PYGB: variants seen among roughly 807,000 people sequenced by gnomAD.
PYGB encodes glycogen phosphorylase B, also known as glycogen phosphorylase, brain form.
PYGB carries 82 observed loss-of-function variants against 94.3 expected under a neutral mutation model. The ratio of observed to expected loss-of-function variants is 0.87; its 90% CI spans 0.73 to 1.04. The LOEUF is 1.04. Among genes scored for constraint, PYGB ranks in the 50% least tolerant of loss-of-function variants. The pLI, the probability that PYGB is intolerant of heterozygous loss-of-function variation, is 0.00. For missense variants in PYGB, 1,132 were observed against 1,158.2 expected (o/e 0.98, Z 0.33); for synonymous variants, 488 against 479.1 (o/e 1.02, Z -0.24).
At chr20:25,281,557 A>G (rs921518129) in intron 11 of PYGB, among the ~76,000 whole-genome samples, 4 of 152,226 alleles carry the variant, frequency 2.6e-5, no homozygotes, top group Non-Finnish European at 4.4e-5. Flanking sequence ...TGTGCTGAGC[A>G]CCTACTGTGA....
intron 3 of PYGB, among the ~76,000 whole-genome samples, chr20:25,270,202 T>TTTG (rs369615386): frequency 0.11 from 3,694 of 34,776 alleles, 188 homozygotes; most frequent in African/African-American, 0.34. Flanking sequence ...TTTTGTTTTG[T>TTTG]TTTGTTTTTT....
At position 25,297,934 on chromosome 20, in the gene PYGB, C is replaced by G. The variant is rs1267345318; in HGVS notation, c.*1412C>G. The G allele has an allele frequency of 1.3e-5, 2 of 152,342 alleles. No homozygotes were observed. Among genetic ancestry groups the G allele is most frequent in the African/African-American group, 4.8e-5 (2 of 41,470 alleles). 9.4% of individuals were successfully genotyped at this position (152,342 alleles called of 1,614,324 possible). Reference sequence around the variant, plus strand: ...CTAGTTGGCCACTGGGGCCACCACCCTGACCACCACTGTGCCCCTCATTGT... The same window carrying G: ...CTAGTTGGCCACTGGGGCCACCACCGTGACCACCACTGTGCCCCTCATTGT... On this transcript the variant is annotated 3_prime_UTR_variant, in exon 20 of 20. Transcript: ENST00000216962.
At chr20:25,276,908 A>T in intron 6 of PYGB, 151 bp downstream of exon 6, 1 of 733,224 alleles carries the variant, frequency 1.4e-6, no homozygotes, top group Non-Finnish European at 2.2e-6. Context: ...GTGAAGAGCG[A>T]GGCTGGTGCA....
rs760848162 is a variant in PYGB at position 25,284,141 on chromosome 20, A to G, written c.1658A>G (p.Glu553Gly). The change falls in exon 14 of 20, where the codon GAG becomes GGG. Residue 553 changes from glutamate (E) to glycine (G), a missense_variant. Glu to Gly is a moderately conservative substitution (Grantham distance 98). Transcript: ENST00000216962. ...AAGTTCTCGGCCTTCCTGGAGAAGG[A>G]GTACAAGGTGAAGATCAACCCCTCC... ...KLKFSAFLEKEYKVKINPSSM... is the reference protein window; with the variant it reads ...KLKFSAFLEKGYKVKINPSSM... 1 of 1,613,934 alleles carries G rather than the reference A, an allele frequency of 6.2e-7. No individual in the cohort carries two copies. The highest frequency in any genetic ancestry group is 1.3e-5 in the African/African-American group (1 of 74,900).
intron 18 of PYGB, 65 bp downstream of exon 18, chr20:25,294,357 G>T: frequency 6.7e-7 from 1 of 1,502,204 alleles, no homozygotes. Context: ...CCTCTTCGTG[G>T]GTTGGATATT....
At chr20:25,249,111 T>A (rs2092880173) in intron 1 of PYGB, among the ~76,000 whole-genome samples, 1 of 152,252 alleles carries the variant, frequency 6.6e-6, no homozygotes, top group Non-Finnish European at 1.5e-5. Flanking sequence ...GTTTGAGTAG[T>A]GAAACAAAGT....
Position 25,248,110 on chromosome 20 carries a change from A to C in PYGB, c.-69A>C. 1.4e-6 allele frequency: 2 copies of C among 1,446,578 alleles called. No individual in the cohort carries two copies. The highest frequency in any genetic ancestry group is 1.8e-6 in the Non-Finnish European group (2 of 1,101,598). 89.6% of individuals were successfully genotyped at this position (1,446,578 alleles called of 1,614,324 possible). A position where few individuals can be genotyped will look rare whatever the true frequency, so the allele number is the denominator to read the frequency against. ...AGAGCAGCGGCGCCAGAGCAGCTGC[A>C]CCATCCCGGCGTTCGCGTGTGCCGC... On this transcript the variant is annotated 5_prime_UTR_variant, in exon 1 of 20. Transcript: ENST00000216962.
chr20:25,293,134 G>A (rs2088486832), intron 17 of PYGB, among the ~76,000 whole-genome samples: 1 of 145,402 alleles, frequency 6.9e-6, no homozygotes, highest in Non-Finnish European at 1.5e-5. Flanking sequence ...GGTCGGGGGG[G>A]GTGGGGGAGT....
intron 17 of PYGB, among the ~76,000 whole-genome samples, chr20:25,293,455 G>T (rs2088492568): frequency 6.6e-6 from 1 of 152,188 alleles, no homozygotes; most frequent in South Asian, 2.1e-4. Context: ...TCCAGCACGG[G>T]CCTGATTCCA....
At chr20:25,281,218 G>C (rs896413780) in intron 11 of PYGB, 106 bp downstream of exon 11, 1 of 1,408,090 alleles carries the variant, frequency 7.1e-7, no homozygotes, top group East Asian at 2.3e-5. Flanking sequence ...CATACAACCT[G>C]TGCCACTAGG....
intron 4 of PYGB, among the ~76,000 whole-genome samples, chr20:25,273,500 G>A (rs1183952693): frequency 6.6e-6 from 1 of 152,226 alleles, no homozygotes; most frequent in Non-Finnish European, 1.5e-5. Flanking sequence ...ATTCTGAAGA[G>A]AAGAGACTTG....
In PYGB at chr20:25,275,787, C is replaced by T. The variant is rs144138423; in HGVS notation, c.661-859C>T. On this transcript the variant is annotated intron_variant, in intron 5 of 19. Transcript: ENST00000216962. ...GATGGAAGGGGCTAGAATGCCTTGGCGGGGACTTGTCGCTCACTTGGGTGT... is the reference window on the plus strand; with the variant it reads ...GATGGAAGGGGCTAGAATGCCTTGGTGGGGACTTGTCGCTCACTTGGGTGT... 2.4e-3 allele frequency among the ~76,000 whole-genome samples: 364 copies of T among 152,120 alleles called. 2 individuals carry two copies. The highest frequency in any genetic ancestry group is 8.5e-3 in the African/African-American group (353 of 41,504).
intron 7 of PYGB, 53 bp downstream of exon 7, chr20:25,277,379 G>T: frequency 6.6e-7 from 1 of 1,505,348 alleles, no homozygotes. Flanking sequence ...TTCTGGCATA[G>T]AGAGGTGGGC....
intron 18 of PYGB, chr20:25,295,074 C>T (rs370885611): frequency 6.9e-4 from 1,088 of 1,588,318 alleles, no homozygotes; most frequent in Middle Eastern, 9.9e-4. Context: ...CTCTGCATTT[C>T]GTGAAGTGTG....
chr20:25,285,175 C>T lies in PYGB; in HGVS notation c.1768+924C>T, dbSNP rs1039087040. 4 of 152,186 alleles carry T rather than the reference C, an allele frequency of 2.6e-5. No homozygotes were observed. In the East Asian group the frequency reaches 5.8e-4, roughly 22 times the overall value. 9.4% of individuals were successfully genotyped at this position (152,186 alleles called of 1,614,324 possible). On this transcript the variant is annotated intron_variant, in intron 14 of 19. Transcript: ENST00000216962. ...CCACCCCCGCTGAGGACCCCTCTGC[C>T]GTGTGGGCACCACGGGAGGTGCTTC...
In PYGB at chr20:25,278,399, C is replaced by A; in HGVS notation, c.936C>A (p.Phe312Leu). The change falls in exon 8 of 20, where the codon TTC becomes TTA. Residue 312 changes from phenylalanine (F) to leucine (L), a missense_variant. By Grantham distance (22) the Phe-to-Leu change is conservative. Coordinates refer to ENST00000216962, the MANE Select transcript of PYGB (RefSeq NM_002862.4). Reference protein sequence around the residue: ...AATLQDIIRRFKSSKFGCRDP... With the variant: ...AATLQDIIRRLKSSKFGCRDP... ...CGCTCCAGGACATCATCCGCCGCTTCAAGTCGTCCAAGTTCGGCTGCCGGG... is the reference window on the plus strand; with the variant it reads ...CGCTCCAGGACATCATCCGCCGCTTAAAGTCGTCCAAGTTCGGCTGCCGGG... The A allele has an allele frequency of 6.2e-7, 1 of 1,608,774 alleles. No homozygotes were observed.
intron 16 of PYGB, among the ~76,000 whole-genome samples, chr20:25,291,480 G>GA (rs1195605090): frequency 6.6e-6 from 1 of 152,206 alleles, no homozygotes; most frequent in Admixed American, 6.5e-5. Context: ...GTGCAGGGGG[G>GA]GATCCCTGGG....
rs1189743655 is a variant in PYGB at position 25,296,590 on chromosome 20, CCAAA to C, written c.*71_*74del. On this transcript the variant is annotated 3_prime_UTR_variant, in exon 20 of 20. Coordinates refer to ENST00000216962, the MANE Select transcript of PYGB (RefSeq NM_002862.4). ...GCTGACTTTGCACCTCCTTTTTTCC[CCAAA>C]CACTTTGCCAGCCACTGGTGGTCCC... is the stretch of plus-strand genomic sequence containing the variant. The C allele has an allele frequency of 2.6e-5, 40 of 1,539,840 alleles. No individual in the cohort carries two copies. Among genetic ancestry groups the C allele is most frequent in the East Asian group, 6.8e-5 (3 of 44,292 alleles).
chr20:25,264,402 A>G (rs915980029), intron 2 of PYGB, among the ~76,000 whole-genome samples: 4 of 152,200 alleles, frequency 2.6e-5, no homozygotes, highest in Admixed American at 1.3e-4. Context: ...CCTATTCAAC[A>G]TAGTGTTGGA....
Sources: allele counts gnomAD v4.1 joint callset (sites outside exome capture counted in the v4.1 genomes callset), GRCh38; gene constraint gnomAD v4.1.1; transcripts MANE v1.5; gene names NCBI Gene and HGNC (gene_info 2026-07-23, HGNC 2026-07-21).